TCF12: variants seen among roughly 807,000 people sequenced by gnomAD.
TCF12 encodes the protein DNA-binding protein HTF4.
A neutral mutation model predicts 86.0 loss-of-function variants in TCF12; 45 were observed. The ratio of observed to expected loss-of-function variants is 0.52; its 90% confidence interval spans 0.41 to 0.67. The LOEUF (loss-of-function observed/expected upper bound fraction) is 0.67, where lower values mean the gene tolerates loss of function less well. TCF12 is among the 30% of genes least tolerant of loss of function. The probability of loss-of-function intolerance (pLI) is 0.00; values close to 1 mark genes in which losing one functional copy is unlikely to be tolerated. For synonymous variants in TCF12, 330 were observed against 299.6 expected, an observed-to-expected ratio of 1.10 and a Z score of -1.05; for missense variants, 881 against 859.9, an observed-to-expected ratio of 1.02 and a Z score of -0.31.
chr15:56,952,828 C>G (rs1595829287), intron 3 of TCF12, among the ~76,000 whole-genome samples: 1 of 152,124 alleles, frequency 6.6e-6, no homozygotes, highest in Non-Finnish European at 1.5e-5. Context: ...AATTTTACTT[C>G]TTGCTTTCCA....
chr15:57,028,900 C>T (rs1006318924), intron 3 of TCF12, among the ~76,000 whole-genome samples: 5 of 151,920 alleles, frequency 3.3e-5, no homozygotes, highest in Non-Finnish European at 4.4e-5. Context: ...CCGGTTCAAG[C>T]GATTCTCCTG....
chr15:57,039,444 A>T (rs756518074), intron 3 of TCF12, among the ~76,000 whole-genome samples: 2 of 152,112 alleles, frequency 1.3e-5, no homozygotes, highest in African/African-American at 4.8e-5. Context: ...TTGGTTTCCC[A>T]TTCAGGCTAT....
chr15:57,004,085 A>G lies in TCF12; in HGVS notation c.149-59665A>G, dbSNP rs569383909. 2.6e-5 allele frequency among the ~76,000 whole-genome samples: 4 copies of G among 151,694 alleles called. No homozygotes were observed. The East Asian group carries it at 7.7e-4, about 29-fold the overall frequency. On this transcript the variant is annotated intron_variant, in intron 3 of 20. Coordinates refer to ENST00000333725, the MANE Select transcript of TCF12 (RefSeq NM_207037.2). ...AGTGATGTAATTTCTATAAAGAGTGACTCTCACTTTAAGTTATGATAAACT... is the reference window on the plus strand; with the variant it reads ...AGTGATGTAATTTCTATAAAGAGTGGCTCTCACTTTAAGTTATGATAAACT...
chr15:57,239,471 G>A (rs1245797251), intron 12 of TCF12, among the ~76,000 whole-genome samples: 2 of 147,622 alleles, frequency 1.4e-5, no homozygotes, highest in East Asian at 2.0e-4. Flanking sequence ...AGCCGAGATC[G>A]TGCCACTGCA....
intron 3 of TCF12, among the ~76,000 whole-genome samples, chr15:57,051,304 A>T (rs1471524373): frequency 6.6e-6 from 1 of 152,154 alleles, no homozygotes; most frequent in Non-Finnish European, 1.5e-5. Context: ...TTTAGTTGGG[A>T]TTCTTGTATT....
intron 3 of TCF12, among the ~76,000 whole-genome samples, chr15:56,939,967 GTTTTTT>G (rs67832685): frequency 9.5e-6 from 1 of 104,752 alleles, no homozygotes; most frequent in East Asian, 3.1e-4. Flanking sequence ...TTAATAGCGT[GTTTTTT>G]TTTTTTTTTT....
At chr15:57,241,162 C>T (rs773736648) in intron 12 of TCF12, among the ~76,000 whole-genome samples, 3 of 151,842 alleles carry the variant, frequency 2.0e-5, no homozygotes, top group Non-Finnish European at 2.9e-5. Context: ...GGCTCGATCT[C>T]GGCTCACTGA....
At chr15:57,205,826 A>C (rs1471804152) in intron 8 of TCF12, among the ~76,000 whole-genome samples, 5 of 152,236 alleles carry the variant, frequency 3.3e-5, no homozygotes, top group African/African-American at 1.2e-4. Context: ...TTTTGTGAGA[A>C]GTCGGTAATG....
intron 6 of TCF12, among the ~76,000 whole-genome samples, chr15:57,187,691 G>C (rs1278051359): frequency 6.6e-6 from 1 of 152,094 alleles, no homozygotes; most frequent in Non-Finnish European, 1.5e-5. Context: ...TAGCACTTTG[G>C]GAGGCTGAGG....
intron 3 of TCF12, among the ~76,000 whole-genome samples, chr15:56,935,660 A>C: frequency 6.6e-6 from 1 of 152,118 alleles, no homozygotes; most frequent in Non-Finnish European, 1.5e-5. Context: ...CCAAAGTCCA[A>C]GGTATCATTC....
intron 3 of TCF12, among the ~76,000 whole-genome samples, chr15:57,027,927 C>T (rs978429555): frequency 2.0e-5 from 3 of 152,094 alleles, no homozygotes; most frequent in Admixed American, 1.3e-4. Flanking sequence ...TGACACCTCC[C>T]TAGGCATGTG....
In TCF12 at chr15:57,177,608, CAGAGAG is replaced by C. The variant is rs11270421; in HGVS notation, c.390+11167_390+11172del. On this transcript the variant is annotated intron_variant, in intron 6 of 20. Coordinates refer to ENST00000333725, the MANE Select transcript of TCF12 (RefSeq NM_207037.2). Reference sequence around the variant, plus strand: ...TAATGTCCTATTTTTGTTAAAAGGCCAGAGAGAGAGAGAGAGAGAGAGAGAGAGAGT... The same window carrying C: ...TAATGTCCTATTTTTGTTAAAAGGCCAGAGAGAGAGAGAGAGAGAGAGAGT... 2.1e-3 allele frequency among the ~76,000 whole-genome samples: 261 copies of C among 123,004 alleles called. 3 individuals carry two copies. The highest frequency in any genetic ancestry group is 6.8e-3 in the African/African-American group (220 of 32,380). The allele number at this position is 123,004 out of a possible 152,430, so 80.7% of individuals were successfully genotyped here.
chr15:57,180,471 C>T (rs543339117), intron 6 of TCF12, among the ~76,000 whole-genome samples: 4 of 152,198 alleles, frequency 2.6e-5, no homozygotes, highest in South Asian at 2.1e-4. Flanking sequence ...AAAGAATCTG[C>T]GAAATCATAA....
chr15:57,166,197 G>A (rs1455025575), intron 5 of TCF12, among the ~76,000 whole-genome samples: 3 of 152,168 alleles, frequency 2.0e-5, no homozygotes, highest in Admixed American at 6.5e-5. Context: ...GATTACAGAC[G>A]TGAGTCACTA....
chr15:57,016,018 T>G lies in TCF12; in HGVS notation c.149-47732T>G, dbSNP rs144533026. ...ATAGTTCTCATATGATTGCTGAGATTTCTCCAAAATCAGGCTAACCTAGAT... is the reference window on the plus strand; with the variant it reads ...ATAGTTCTCATATGATTGCTGAGATGTCTCCAAAATCAGGCTAACCTAGAT... On this transcript the variant is annotated intron_variant, in intron 3 of 20. Coordinates refer to ENST00000333725, the MANE Select transcript of TCF12 (RefSeq NM_207037.2). Among the ~76,000 whole-genome samples, 122 of 152,312 alleles carry G rather than the reference T, an allele frequency of 8.0e-4. 1 individual carries two copies. Among genetic ancestry groups the G allele is most frequent in the African/African-American group, 2.8e-3 (115 of 41,572 alleles).
At chr15:57,191,962 A>G (rs2057002287) in intron 6 of TCF12, among the ~76,000 whole-genome samples, 196 bp from the exon 7 acceptor site, 1 of 152,106 alleles carries the variant, frequency 6.6e-6, no homozygotes, top group South Asian at 2.1e-4. Flanking sequence ...AAGGCCGACA[A>G]TGTGAGGGTG....
intron 3 of TCF12, among the ~76,000 whole-genome samples, chr15:56,991,529 T>G (rs1203763092): frequency 3.3e-5 from 5 of 152,242 alleles, no homozygotes; most frequent in African/African-American, 9.6e-5. Flanking sequence ...TGGACCTATT[T>G]ATATAAAGTT....
chr15:57,063,655 A>C (rs773336895), intron 3 of TCF12, 95 bp from the exon 4 acceptor site: 8 of 970,864 alleles, frequency 8.2e-6, no homozygotes, highest in Non-Finnish European at 1.2e-5. Flanking sequence ...CGAAAGCGCA[A>C]ATACCACTTG....
intron 3 of TCF12, among the ~76,000 whole-genome samples, chr15:56,941,595 T>TA (rs1257705917): frequency 1.3e-5 from 2 of 151,760 alleles, no homozygotes; most frequent in Admixed American, 6.6e-5. Flanking sequence ...GGCTGGTCTT[T>TA]AACTCCTGAC....
Sources: allele counts gnomAD v4.1 joint callset (sites outside exome capture counted in the v4.1 genomes callset), GRCh38; gene constraint gnomAD v4.1.1; transcripts MANE v1.5; gene names NCBI Gene and HGNC (gene_info 2026-07-23, HGNC 2026-07-21).